The following GMDS variants were observed in gnomAD, a reference collection of about 807,000 sequenced individuals.
GMDS encodes GDP-mannose 4,6 dehydratase.
Under a neutral mutation model 49.9 loss-of-function variants are expected in GMDS, and 20 were observed. The observed-to-expected ratio is 0.40, with a 90% CI of 0.28 to 0.58. The LOEUF is 0.58. Among genes scored for constraint, GMDS ranks in the 20% least tolerant of loss-of-function variants. The probability of loss-of-function intolerance (pLI) is 0.42; values close to 1 mark genes in which losing one functional copy is unlikely to be tolerated. For missense variants in GMDS, 362 were observed against 481.4 expected, an observed-to-expected ratio of 0.75 and a Z score of 2.32; for synonymous variants, 177 against 178.6, an observed-to-expected ratio of 0.99 and a Z score of 0.07.
intron 4 of GMDS, among the ~76,000 whole-genome samples, chr6:1,972,863 T>G (rs1231721693): frequency 6.6e-6 from 1 of 152,190 alleles, no homozygotes; most frequent in Non-Finnish European, 1.5e-5. Flanking sequence ...TTAAGTATAT[T>G]AACAGATTAA....
At chr6:2,025,523 G>A (rs1030214861) in intron 4 of GMDS, among the ~76,000 whole-genome samples, 29 of 151,564 alleles carry the variant, frequency 1.9e-4, no homozygotes, top group African/African-American at 6.3e-4. Context: ...CATGCACAGT[G>A]GAAGATTTCT....
At chr6:1,909,646 C>T (rs1760949088) in intron 7 of GMDS, among the ~76,000 whole-genome samples, 2 of 152,256 alleles carry the variant, frequency 1.3e-5, no homozygotes, top group Non-Finnish European at 1.5e-5. Flanking sequence ...ACAGCCACTC[C>T]AAAACCTCCC....
Position 2,023,377 on chromosome 6 carries a change from A to C in GMDS, c.346-62411T>G, listed in dbSNP as rs569256065. ...CTCGTAACAACTATGGGTTGGATAA[A>C]CTGTTCTGTGCCACAATTTTCAGAA... On this transcript the variant is annotated intron_variant, in intron 4 of 10. Coordinates refer to ENST00000380815, the MANE Select transcript of GMDS (RefSeq NM_001500.4). Among the ~76,000 whole-genome samples, 10 of 152,328 alleles carry C rather than the reference A, an allele frequency of 6.6e-5. No individual in the cohort carries two copies. The South Asian group carries it at 2.1e-3, about 32-fold the overall frequency.
intron 8 of GMDS, among the ~76,000 whole-genome samples, chr6:1,738,072 CCACACACACACCACA>C (rs1767109131): frequency 7.4e-6 from 1 of 135,182 alleles, no homozygotes; most frequent in Non-Finnish European, 1.6e-5. Context: ...TACACACATA[CCACACACACACCACA>C]CACATACACA....
At chr6:2,142,695 T>C (rs1776361684) in intron 1 of GMDS, among the ~76,000 whole-genome samples, 1 of 152,186 alleles carries the variant, frequency 6.6e-6, no homozygotes, top group Non-Finnish European at 1.5e-5. Flanking sequence ...TACTTTGTTA[T>C]GGCAGCCCTA....
intron 4 of GMDS, among the ~76,000 whole-genome samples, chr6:2,007,705 C>T (rs772779427): frequency 2.6e-5 from 4 of 152,048 alleles, no homozygotes; most frequent in Non-Finnish European, 4.4e-5. Context: ...CTCAAATTTA[C>T]TTGGTTTTCT....
intron 7 of GMDS, among the ~76,000 whole-genome samples, chr6:1,860,136 C>T (rs1758115033): frequency 6.6e-6 from 1 of 151,996 alleles, no homozygotes; most frequent in Non-Finnish European, 1.5e-5. Flanking sequence ...AAAAATTAAC[C>T]ATTGTATCTC....
At chr6:1,928,310 A>G (rs1762123542) in intron 7 of GMDS, among the ~76,000 whole-genome samples, 1 of 151,826 alleles carries the variant, frequency 6.6e-6, no homozygotes, top group South Asian at 2.1e-4. Flanking sequence ...GGTTGCAGTG[A>G]GCCAAGATTG....
intron 7 of GMDS, among the ~76,000 whole-genome samples, chr6:1,749,765 G>A (rs187688615): frequency 1.6e-4 from 24 of 152,142 alleles, no homozygotes; most frequent in Admixed American, 1.2e-3. Context: ...AAAATTCATA[G>A]CCTGTGTGTA....
At chr6:1,679,653 C>T (rs758965850) in intron 9 of GMDS, 4 of 152,172 alleles carry the variant, frequency 2.6e-5, no homozygotes, top group African/African-American at 4.8e-5. Flanking sequence ...CAGGCCACCT[C>T]GAAGGAGAAG....
At chr6:2,069,588 C>A (rs1159230032) in intron 4 of GMDS, among the ~76,000 whole-genome samples, 1 of 151,922 alleles carries the variant, frequency 6.6e-6, no homozygotes, top group Non-Finnish European at 1.5e-5. Context: ...ACAAACAATC[C>A]CATCAAAAAG....
At chr6:1,923,632 C>T (rs573507940) in intron 7 of GMDS, among the ~76,000 whole-genome samples, 6 of 152,290 alleles carry the variant, frequency 3.9e-5, no homozygotes, top group South Asian at 2.1e-4. Flanking sequence ...ATCCCGCACT[C>T]GCTCACTCAC....
chr6:1,851,618 T>A (rs1231467763), intron 7 of GMDS, among the ~76,000 whole-genome samples: 1 of 152,138 alleles, frequency 6.6e-6, no homozygotes, highest in Non-Finnish European at 1.5e-5. Flanking sequence ...TGCGGGGCTA[T>A]AAATGTGGGC....
At chr6:1,935,536 AC>A (rs1762486125) in intron 6 of GMDS, among the ~76,000 whole-genome samples, 1 of 152,196 alleles carries the variant, frequency 6.6e-6, no homozygotes, top group Non-Finnish European at 1.5e-5. Context: ...TTAATAGATG[AC>A]TACATCTCTT....
At chr6:1,676,863 T>C (rs888061311) in intron 9 of GMDS, among the ~76,000 whole-genome samples, 13 of 152,146 alleles carry the variant, frequency 8.5e-5, no homozygotes, top group African/African-American at 2.7e-4. Context: ...ATTCAGGACA[T>C]AGGCATGGGC....
At chr6:2,048,880 G>A (rs538544956) in intron 4 of GMDS, among the ~76,000 whole-genome samples, 1 of 152,054 alleles carries the variant, frequency 6.6e-6, no homozygotes, top group Admixed American at 6.6e-5. Flanking sequence ...TTCTATTAAG[G>A]ACTGAATGTT....
chr6:1,793,430 T>C (rs1198271924), intron 7 of GMDS, among the ~76,000 whole-genome samples: 1 of 152,138 alleles, frequency 6.6e-6, no homozygotes, highest in Non-Finnish European at 1.5e-5. Context: ...TGAACCAGGG[T>C]GGGAAACCTT....
chr6:1,697,974 A>T (rs1007274500), intron 9 of GMDS, among the ~76,000 whole-genome samples: 20 of 152,326 alleles, frequency 1.3e-4, no homozygotes, highest in Middle Eastern at 6.8e-3. Context: ...AAAGTAACAC[A>T]CTGACAAGAA....
intron 7 of GMDS, among the ~76,000 whole-genome samples, chr6:1,807,082 G>A (rs535401853): frequency 6.6e-6 from 1 of 152,038 alleles, no homozygotes; most frequent in East Asian, 1.9e-4. Flanking sequence ...TTGCTGTGTT[G>A]TCCAGGCTGG....
Sources: allele counts gnomAD v4.1 joint callset (sites outside exome capture counted in the v4.1 genomes callset), GRCh38; gene constraint gnomAD v4.1.1; transcripts MANE v1.5; gene names NCBI Gene and HGNC (gene_info 2026-07-23, HGNC 2026-07-21).